The following PHACTR1 variants were observed in gnomAD, a reference collection of about 807,000 sequenced individuals.
The protein encoded by PHACTR1 is RPEL repeat containing 1.
PHACTR1 carries 16 observed loss-of-function variants against 69.2 expected under a neutral mutation model. The observed-to-expected ratio is 0.23, with a 90% CI of 0.16 to 0.35. The LOEUF is 0.35. PHACTR1 is among the 10% of genes least tolerant of loss of function. The pLI is 1.00. For synonymous variants in PHACTR1, 312 were observed against 284.5 expected, an observed-to-expected ratio of 1.10 and a Z score of -0.97; for missense variants, 510 against 734.7, an observed-to-expected ratio of 0.69 and a Z score of 3.54.
intron 5 of PHACTR1, 96 bp from the exon 6 acceptor site, chr6:13,160,108 G>T (rs751351949): frequency 6.7e-6 from 7 of 1,038,610 alleles, no homozygotes; most frequent in East Asian, 2.4e-5. Flanking sequence ...AAGCTTTCTC[G>T]TATGTTACAT....
chr6:13,113,301 C>T (rs559778175), intron 5 of PHACTR1, among the ~76,000 whole-genome samples: 68 of 152,138 alleles, frequency 4.5e-4, no homozygotes, highest in African/African-American at 1.6e-3. Context: ...AGTCTGTAAC[C>T]ATTAAATAAA....
intron 3 of PHACTR1, among the ~76,000 whole-genome samples, chr6:12,725,257 A>T (rs974748682): frequency 3.3e-5 from 5 of 152,038 alleles, no homozygotes; most frequent in Non-Finnish European, 5.9e-5. Flanking sequence ...TCTAAACCTG[A>T]CTCTAAACCT....
chr6:13,007,481 A>C (rs1000761871), intron 4 of PHACTR1, among the ~76,000 whole-genome samples: 4 of 152,074 alleles, frequency 2.6e-5, no homozygotes, highest in Non-Finnish European at 4.4e-5. Flanking sequence ...AGCAATACCT[A>C]ATCCTAAATT....
chr6:13,152,773 T>A (rs1444879134), intron 5 of PHACTR1, among the ~76,000 whole-genome samples: 1 of 152,184 alleles, frequency 6.6e-6, no homozygotes, highest in Non-Finnish European at 1.5e-5. Context: ...GAAAAGATTG[T>A]TTTACTCCCA....
Position 12,760,536 on chromosome 6 carries a change from G to T in PHACTR1, c.250+10746G>T, listed in dbSNP as rs183300263. ...GAAACAGAAGAAGAGCAGAGAAAGA[G>T]ATACAGGGAGAAGAAAAGAGGGAGG... On this transcript the variant is annotated intron_variant, in intron 4 of 14. Transcript: ENST00000332995. 9.9e-3 allele frequency among the ~76,000 whole-genome samples: 1,510 copies of T among 152,214 alleles called. 23 individuals are homozygous for T. The highest frequency in any genetic ancestry group is 0.011 in the Admixed American group (163 of 15,290).
chr6:12,863,173 C>T (rs1371024083), intron 4 of PHACTR1, among the ~76,000 whole-genome samples: 34 of 152,218 alleles, frequency 2.2e-4, no homozygotes, highest in Admixed American at 2.2e-3. Flanking sequence ...TTAGTCTGCT[C>T]AGGCTGCTGC....
chr6:13,185,328 T>G (rs1762699907), intron 7 of PHACTR1, among the ~76,000 whole-genome samples: 1 of 152,222 alleles, frequency 6.6e-6, no homozygotes, highest in Admixed American at 6.5e-5. Context: ...ATGTCAACAT[T>G]TTTGCAAAGA....
chr6:13,079,902 A>T (rs1176448580), intron 5 of PHACTR1, among the ~76,000 whole-genome samples: 1 of 152,002 alleles, frequency 6.6e-6, no homozygotes, highest in Non-Finnish European at 1.5e-5. Flanking sequence ...AGGCTAGACC[A>T]CCTCCCAAGA....
intron 3 of PHACTR1, among the ~76,000 whole-genome samples, chr6:12,724,831 A>G (rs1417232225): frequency 2.0e-5 from 3 of 152,228 alleles, no homozygotes; most frequent in Non-Finnish European, 2.9e-5. Flanking sequence ...CTCAAAAACC[A>G]TCAATATACT....
At chr6:12,931,896 T>C (rs532523512) in intron 4 of PHACTR1, among the ~76,000 whole-genome samples, 1 of 151,796 alleles carries the variant, frequency 6.6e-6, no homozygotes, top group African/African-American at 2.4e-5. Flanking sequence ...CAGATTTCAC[T>C]CAGATAGTAA....
rs772451517 is a variant in PHACTR1 at position 13,206,107 on chromosome 6, G to A, written c.957G>A (p.Thr319=). Residue 319 remains threonine (T), a synonymous_variant, in exon 8 of 15, where the codon ACG becomes ACA. Coordinates refer to ENST00000332995, the MANE Select transcript of PHACTR1 (RefSeq NM_030948.6). ...GCRMIDELNK[T]LAMTMQRLES... is the part of the protein sequence containing the mutation. ...GAATGATAGACGAGCTCAACAAAAC[G>A]CTGGCCATGACCATGCAGAGGCTGG... 20 of 1,608,932 alleles carry A rather than the reference G, an allele frequency of 1.2e-5. No individual in the cohort carries two copies. Among genetic ancestry groups the A allele is most frequent in the Non-Finnish European group, 1.4e-5 (16 of 1,177,440 alleles).
intron 7 of PHACTR1, among the ~76,000 whole-genome samples, chr6:13,195,757 C>CAAAAAAAAA (rs869092852): frequency 0.019 from 783 of 41,410 alleles, 152 homozygotes; most frequent in Middle Eastern, 0.058. Flanking sequence ...GACACCGTCT[C>CAAAAAAAAA]AAAAAAAAAA....
At chr6:13,089,840 G>C (rs1692796813) in intron 5 of PHACTR1, among the ~76,000 whole-genome samples, 1 of 152,162 alleles carries the variant, frequency 6.6e-6, no homozygotes, top group Non-Finnish European at 1.5e-5. Context: ...AAACTGGTGA[G>C]AGGAGGCCAG....
At chr6:12,854,549 TGC>T (rs2127763402) in intron 4 of PHACTR1, among the ~76,000 whole-genome samples, 1 of 7,360 alleles carries the variant, frequency 1.4e-4, no homozygotes, top group South Asian at 0.1. Context: ...TTAAAAACTT[TGC>T]TCAGCCTCAG....
At chr6:12,793,769 A>G (rs937310936) in intron 4 of PHACTR1, among the ~76,000 whole-genome samples, 4 of 152,220 alleles carry the variant, frequency 2.6e-5, no homozygotes, top group African/African-American at 9.6e-5. Flanking sequence ...CTTTTGAAAT[A>G]GACTCATGTT....
chr6:13,285,770 T>C (rs1166614827), intron 13 of PHACTR1, among the ~76,000 whole-genome samples: 2 of 152,192 alleles, frequency 1.3e-5, no homozygotes, highest in Admixed American at 6.5e-5. Flanking sequence ...CCTCGAGGCA[T>C]CACTGTGCCT....
At chr6:13,213,782 C>G (rs1291263202) in intron 8 of PHACTR1, among the ~76,000 whole-genome samples, 1 of 152,208 alleles carries the variant, frequency 6.6e-6, no homozygotes, top group Non-Finnish European at 1.5e-5. Flanking sequence ...GACAGCCAAA[C>G]CTGCCAGCGC....
At chr6:12,928,919 C>T (rs1178177684) in intron 4 of PHACTR1, among the ~76,000 whole-genome samples, 1 of 152,160 alleles carries the variant, frequency 6.6e-6, no homozygotes, top group Non-Finnish European at 1.5e-5. Flanking sequence ...CGAGGTGATT[C>T]AGGAAAAAGC....
At chr6:12,937,498 A>T (rs983754597) in intron 4 of PHACTR1, among the ~76,000 whole-genome samples, 6 of 152,138 alleles carry the variant, frequency 3.9e-5, no homozygotes, top group Non-Finnish European at 8.8e-5. Flanking sequence ...CAGTGAGCCA[A>T]ACAGACAAAG....
Sources: allele counts gnomAD v4.1 joint callset (sites outside exome capture counted in the v4.1 genomes callset), GRCh38; gene constraint gnomAD v4.1.1; transcripts MANE v1.5; gene names NCBI Gene and HGNC (gene_info 2026-07-23, HGNC 2026-07-21).